The following MKRN2 variants were observed in gnomAD, a reference collection of about 807,000 sequenced individuals.
The protein encoded by MKRN2 is makorin ring finger protein 2.
A neutral mutation model predicts 45.4 loss-of-function variants in MKRN2; 32 were observed. That is an observed-to-expected ratio of 0.70 (90% confidence interval 0.53 to 0.95). The LOEUF is 0.95. Ranked by LOEUF, MKRN2 falls within the 40% of genes least tolerant of loss-of-function variation. MKRN2 has a pLI of 0.00. For missense variants in MKRN2, 526 were observed against 536.7 expected, an observed-to-expected ratio of 0.98 and a Z score of 0.20; for synonymous variants, 206 against 192.4, an observed-to-expected ratio of 1.07 and a Z score of -0.59.
At chr3:12,574,728 C>T in intron 4 of MKRN2, 64 bp from the exon 5 acceptor site, 2 of 1,447,160 alleles carry the variant, frequency 1.4e-6, no homozygotes, top group Non-Finnish European at 1.9e-6. Context: ...TGCAGCTACT[C>T]CTAGGGCTCC....
Position 12,568,902 on chromosome 3 carries a change from A to G in MKRN2, c.54A>G (p.Glu18=), listed in dbSNP as rs750663542. The change falls in exon 2 of 8, where the codon GAA becomes GAG. Residue 18 remains glutamate (E), a synonymous_variant. Coordinates refer to ENST00000170447, the MANE Select transcript of MKRN2 (RefSeq NM_014160.5). ...ATTTTATGCATGGTGTGTGTCGGGA[A>G]GGAAGTCAGTGCCTATTCTCACATG... ...CRYFMHGVCR[E]GSQCLFSHDL... The G allele has an allele frequency of 1.2e-6, 2 of 1,614,090 alleles. No individual in the cohort carries two copies. Among genetic ancestry groups the G allele is most frequent in the South Asian group, 1.1e-5 (1 of 91,044 alleles).
chr3:12,576,807 C>T (rs1366850086), intron 6 of MKRN2, 66 bp downstream of exon 6: 7 of 1,166,472 alleles, frequency 6.0e-6, no homozygotes, highest in Admixed American at 1.8e-5. Flanking sequence ...CCCGTGTCCT[C>T]GTTCTCCTTC....
chr3:12,577,493 A>G (rs1356253779), intron 6 of MKRN2, among the ~76,000 whole-genome samples: 5 of 151,980 alleles, frequency 3.3e-5, no homozygotes, highest in Non-Finnish European at 7.4e-5. Flanking sequence ...ATCTCCTTGA[A>G]CATAGTTGTA....
At position 12,557,147 on chromosome 3, in the gene MKRN2, C is replaced by T; in HGVS notation, c.-4C>T. 4 of 1,524,914 alleles carry T rather than the reference C, an allele frequency of 2.6e-6. No individual in the cohort carries two copies. The highest frequency in any genetic ancestry group is 2.6e-6 in the Non-Finnish European group (3 of 1,138,738). 94.5% of individuals were successfully genotyped at this position (1,524,914 alleles called of 1,614,324 possible). ...CACGACGACGGTCCCTCAGCCCAGCCACCATGAGCACCAAGCAGATCACTT... is the reference window on the plus strand; with the variant it reads ...CACGACGACGGTCCCTCAGCCCAGCTACCATGAGCACCAAGCAGATCACTT... On this transcript the variant is annotated 5_prime_UTR_variant, in exon 1 of 8. Coordinates refer to ENST00000170447, the MANE Select transcript of MKRN2 (RefSeq NM_014160.5).
chr3:12,579,283 G>A (rs922646308), intron 6 of MKRN2, among the ~76,000 whole-genome samples: 1 of 152,140 alleles, frequency 6.6e-6, no homozygotes. Flanking sequence ...TTCTGCCTCA[G>A]CCTCCCGAGT....
At chr3:12,558,475 A>G (rs995552369) in intron 1 of MKRN2, among the ~76,000 whole-genome samples, 2 of 152,192 alleles carry the variant, frequency 1.3e-5, no homozygotes, top group African/African-American at 2.4e-5. Flanking sequence ...CCCTCGCTCT[A>G]TGGTTTAATT....
intron 1 of MKRN2, among the ~76,000 whole-genome samples, chr3:12,562,680 A>G (rs1363632913): frequency 6.6e-6 from 1 of 152,056 alleles, no homozygotes; most frequent in Non-Finnish European, 1.5e-5. Flanking sequence ...CACTCACATT[A>G]CCACCTGAGC....
rs542131819 is a variant in MKRN2 at position 12,583,374 on chromosome 3, A to C, written c.*1121A>C. 29 of 169,686 alleles carry C rather than the reference A, an allele frequency of 1.7e-4. 1 individual carries two copies. The South Asian group carries it at 5.6e-3, about 33-fold the overall frequency. The allele number at this position is 169,686 out of a possible 1,614,324, so 10.5% of individuals were successfully genotyped here. On this transcript the variant is annotated 3_prime_UTR_variant, in exon 8 of 8. Coordinates refer to ENST00000170447, the MANE Select transcript of MKRN2 (RefSeq NM_014160.5). ...AAATAAATAGTTTATAAAATGTATTACTTAAGGTATTAGCTGAGTTTAGAG... is the reference window on the plus strand; with the variant it reads ...AAATAAATAGTTTATAAAATGTATTCCTTAAGGTATTAGCTGAGTTTAGAG...
intron 4 of MKRN2, among the ~76,000 whole-genome samples, chr3:12,572,780 T>C (rs1010562387): frequency 1.3e-5 from 2 of 152,012 alleles, no homozygotes; most frequent in African/African-American, 4.8e-5. Context: ...AGATGGGGTT[T>C]CACCACGTTG....
chr3:12,582,026 G>C (rs892846967), intron 7 of MKRN2, 74 bp downstream of exon 7: 10 of 1,609,200 alleles, frequency 6.2e-6, no homozygotes, highest in Non-Finnish European at 8.5e-6. Context: ...TCCTGGCAGA[G>C]AAATGGGGTA....
chr3:12,570,367 A>G (rs948569074), intron 3 of MKRN2, 115 bp downstream of exon 3: 22 of 1,055,516 alleles, frequency 2.1e-5, no homozygotes, highest in Non-Finnish European at 2.7e-5. Flanking sequence ...ACACCTCCAG[A>G]TTGTCTGCGC....
At chr3:12,576,189 A>ATGTG (rs59197804) in intron 5 of MKRN2, among the ~76,000 whole-genome samples, 7,803 of 143,170 alleles carry the variant, frequency 0.055, 255 homozygotes, top group East Asian at 0.15. Context: ...GAAACCATAT[A>ATGTG]TGTGTGTGTG....
chr3:12,569,658 C>G (rs911783832), intron 2 of MKRN2, among the ~76,000 whole-genome samples: 1 of 152,100 alleles, frequency 6.6e-6, no homozygotes, highest in Non-Finnish European at 1.5e-5. Context: ...GTTGGTCTTC[C>G]CCTGTCAATG....
chr3:12,571,863 GTTTT>G (rs1422777849), intron 3 of MKRN2, among the ~76,000 whole-genome samples: 1 of 150,792 alleles, frequency 6.6e-6, no homozygotes, highest in Non-Finnish European at 1.5e-5. Flanking sequence ...TTTGTTTTTT[GTTTT>G]TTTAAGTAAT....
intron 5 of MKRN2, 136 bp downstream of exon 5, chr3:12,575,142 G>A: frequency 1.3e-6 from 1 of 759,204 alleles, no homozygotes; most frequent in Non-Finnish European, 2.1e-6. Context: ...ATGAACTTCA[G>A]CAAGTCATTT....
chr3:12,576,875 G>C (rs1427576381), intron 6 of MKRN2, 134 bp downstream of exon 6: 1 of 520,820 alleles, frequency 1.9e-6, no homozygotes, highest in South Asian at 2.5e-5. Flanking sequence ...CACCATGCTG[G>C]GCTCTGGGAT....
intron 5 of MKRN2, among the ~76,000 whole-genome samples, chr3:12,575,769 A>G (rs1340143570): frequency 2.0e-5 from 3 of 152,316 alleles, no homozygotes; most frequent in African/African-American, 7.2e-5. Flanking sequence ...AAATGGAATC[A>G]TAGAATTTGG....
Position 12,557,090 on chromosome 3 carries a change from G to T in MKRN2, c.-61G>T, listed in dbSNP as rs1178044847. On this transcript the variant is annotated 5_prime_UTR_variant, in exon 1 of 8. Coordinates refer to ENST00000170447, the MANE Select transcript of MKRN2 (RefSeq NM_014160.5). ...CGGGATGGGCCGGGCCAGGGCCAAG[G>T]CCGAGGCGGCAGCGGCTGCGAGAGG... 1.3e-5 allele frequency: 19 copies of T among 1,477,180 alleles called. No individual in the cohort carries two copies. Among genetic ancestry groups the T allele is most frequent in the South Asian group, 3.8e-5 (3 of 78,168 alleles). The allele number at this position is 1,477,180 out of a possible 1,614,324, so 91.5% of individuals were successfully genotyped here.
intron 6 of MKRN2, among the ~76,000 whole-genome samples, chr3:12,579,539 G>A (rs1234086274): frequency 1.3e-5 from 2 of 152,198 alleles, no homozygotes; most frequent in African/African-American, 4.8e-5. Flanking sequence ...AGTTCTTCAT[G>A]AGGGACCATC....
Sources: allele counts gnomAD v4.1 joint callset (sites outside exome capture counted in the v4.1 genomes callset), GRCh38; gene constraint gnomAD v4.1.1; transcripts MANE v1.5; gene names NCBI Gene and HGNC (gene_info 2026-07-23, HGNC 2026-07-21).